GPR158: variants seen among roughly 807,000 people sequenced by gnomAD.
The protein encoded by GPR158 is metabotropic glycine receptor.
In GPR158, 30 loss-of-function variants were observed where a neutral mutation model predicts 78.2. The observed-to-expected ratio is 0.38, with a 90% confidence interval of 0.29 to 0.52. The LOEUF (loss-of-function observed/expected upper bound fraction) is 0.52. GPR158 is among the 20% of genes least tolerant of loss of function. The probability of loss-of-function intolerance (pLI) is 0.83; values close to 1 mark genes in which losing one functional copy is unlikely to be tolerated. For missense variants in GPR158, 1,463 were observed against 1,523.5 expected (o/e 0.96, Z 0.66); for synonymous variants, 581 against 591.1 (o/e 0.98, Z 0.25).
At chr10:25,512,616 A>AG (rs34326181) in intron 5 of GPR158, among the ~76,000 whole-genome samples, 1 of 152,106 alleles carries the variant, frequency 6.6e-6, no homozygotes, top group African/African-American at 2.4e-5. Context: ...TCCAGTTCTC[A>AG]GGGGGAATGC....
rs35949163 is a variant in GPR158 at position 25,316,887 on chromosome 10, T to TTG, written c.1009-79002_1009-79001dup. Among the ~76,000 whole-genome samples, 862 of 127,232 alleles carry TTG rather than the reference T, an allele frequency of 6.8e-3. 3 individuals are homozygous for TTG. Among genetic ancestry groups the TTG allele is most frequent in the Non-Finnish European group, 9.2e-3 (586 of 63,726 alleles). The allele number at this position is 127,232 out of a possible 152,430, so 83.5% of individuals were successfully genotyped here. On this transcript the variant is annotated intron_variant, in intron 2 of 10. Coordinates refer to ENST00000376351, the MANE Select transcript of GPR158 (RefSeq NM_020752.3). The stretch of plus-strand genomic sequence containing the variant: ...TATATTTATATATGTATGTATGTAT[T>TTG]TGTGTGTGTGTGTGTGTGTGTGTTT...
At chr10:25,387,486 A>T (rs550335805) in intron 2 of GPR158, among the ~76,000 whole-genome samples, 19 of 151,210 alleles carry the variant, frequency 1.3e-4, no homozygotes, top group Non-Finnish European at 2.5e-4. Flanking sequence ...ACATCATAAA[A>T]TGAGTTTGGG....
intron 4 of GPR158, among the ~76,000 whole-genome samples, chr10:25,447,296 T>G (rs1212321059): frequency 6.6e-6 from 1 of 152,246 alleles, no homozygotes; most frequent in Non-Finnish European, 1.5e-5. Context: ...ATTGAATTTT[T>G]GATAGCTTTT....
chr10:25,528,622 TAAGAG>T (rs1836382760), intron 5 of GPR158, among the ~76,000 whole-genome samples: 1 of 152,168 alleles, frequency 6.6e-6, no homozygotes, highest in African/African-American at 2.4e-5. Context: ...AATATAGTGT[TAAGAG>T]AATATAAAGG....
At chr10:25,376,908 A>G (rs193132135) in intron 2 of GPR158, among the ~76,000 whole-genome samples, 202 of 151,628 alleles carry the variant, frequency 1.3e-3, no homozygotes, top group Non-Finnish European at 2.5e-3. Context: ...ATATATACAT[A>G]TGATTATATA....
chr10:25,321,290 A>C (rs74438802), intron 2 of GPR158, among the ~76,000 whole-genome samples: 2,335 of 152,310 alleles, frequency 0.015, 68 homozygotes, highest in African/African-American at 0.053. Flanking sequence ...TACAATATGA[A>C]AGCATCTCTA....
At chr10:25,528,306 G>A (rs1223063011) in intron 5 of GPR158, among the ~76,000 whole-genome samples, 3 of 151,648 alleles carry the variant, frequency 2.0e-5, no homozygotes, top group Non-Finnish European at 2.9e-5. Context: ...CCTTAACAAA[G>A]TATTAGAAAA....
intron 5 of GPR158, among the ~76,000 whole-genome samples, chr10:25,503,338 C>CT (rs1478555762): frequency 9.9e-5 from 15 of 151,268 alleles, no homozygotes; most frequent in African/African-American, 3.1e-4. Context: ...GATCATGCCA[C>CT]TGCACTCCTA....
chr10:25,315,109 A>G (rs926827409), intron 2 of GPR158, among the ~76,000 whole-genome samples: 9 of 151,976 alleles, frequency 5.9e-5, no homozygotes, highest in African/African-American at 2.2e-4. Context: ...TATATAGCTC[A>G]TGAGGATGAA....
chr10:25,390,961 G>T (rs2130521244), intron 2 of GPR158, among the ~76,000 whole-genome samples: 1 of 152,252 alleles, frequency 6.6e-6, no homozygotes, highest in Middle Eastern at 3.4e-3. Context: ...CTTAGGACTT[G>T]GTGCCCCGTG....
intron 2 of GPR158, among the ~76,000 whole-genome samples, chr10:25,235,669 C>CT (rs1853512188): frequency 6.7e-6 from 1 of 148,328 alleles, no homozygotes; most frequent in Non-Finnish European, 1.5e-5. Flanking sequence ...TTTTTTTAGC[C>CT]TATGTAAAGT....
chr10:25,369,682 T>C (rs1288914285), intron 2 of GPR158, among the ~76,000 whole-genome samples: 3 of 151,950 alleles, frequency 2.0e-5, no homozygotes, highest in African/African-American at 7.2e-5. Context: ...GCTGGCCTCA[T>C]AAAATGAGTT....
chr10:25,228,522 A>G (rs1853403832), intron 2 of GPR158, among the ~76,000 whole-genome samples: 1 of 152,194 alleles, frequency 6.6e-6, no homozygotes, highest in Admixed American at 6.5e-5. Context: ...TGTTCATTAT[A>G]TATTTTAAAG....
intron 2 of GPR158, among the ~76,000 whole-genome samples, chr10:25,388,288 A>T (rs1023419721): frequency 2.6e-5 from 4 of 152,206 alleles, no homozygotes; most frequent in Admixed American, 1.3e-4. Context: ...CGGTGGCAGC[A>T]GGAGTGGTTG....
At chr10:25,316,108 A>G (rs66493916) in intron 2 of GPR158, among the ~76,000 whole-genome samples, 30,701 of 152,050 alleles carry the variant, frequency 0.2, 5,228 homozygotes, top group African/African-American at 0.47. Context: ...ATGTCAGTCT[A>G]ATTCTCTTAC....
intron 1 of GPR158, among the ~76,000 whole-genome samples, chr10:25,212,574 AT>A (rs1853147391): frequency 6.9e-6 from 1 of 144,034 alleles, no homozygotes; most frequent in Non-Finnish European, 1.5e-5. Context: ...AGTTTTCAAA[AT>A]TTTTCCATAG....
At chr10:25,284,199 T>A (rs547144575) in intron 2 of GPR158, among the ~76,000 whole-genome samples, 3 of 152,246 alleles carry the variant, frequency 2.0e-5, no homozygotes, top group African/African-American at 7.2e-5. Flanking sequence ...TGTCAGTTTC[T>A]GTGTGAGGAG....
At chr10:25,490,039 A>G (rs1373344514) in intron 5 of GPR158, among the ~76,000 whole-genome samples, 1 of 152,134 alleles carries the variant, frequency 6.6e-6, no homozygotes, top group Non-Finnish European at 1.5e-5. Context: ...TAGCTAAAAT[A>G]TATCAGAAGA....
At chr10:25,215,421 G>A (rs1564393444) in intron 1 of GPR158, among the ~76,000 whole-genome samples, 2 of 152,192 alleles carry the variant, frequency 1.3e-5, no homozygotes, top group Non-Finnish European at 2.9e-5. Flanking sequence ...AGTTTTGCAA[G>A]ACGAAAAGAG....
Sources: gnomAD v4.1 joint callset for allele counts (sites outside exome capture counted in the v4.1 genomes callset) on GRCh38, gnomAD v4.1.1 for gene constraint, MANE v1.5 for transcripts, NCBI Gene and HGNC (gene_info 2026-07-23, HGNC 2026-07-21) for gene names.